Variants in TNR observed in about 807,000 individuals in gnomAD.
TNR encodes the protein tenascin R.
In TNR, 45 loss-of-function variants were observed where a neutral mutation model predicts 150.4. The observed-to-expected ratio is 0.30, with a 90% CI of 0.24 to 0.38. The LOEUF (loss-of-function observed/expected upper bound fraction) is 0.38, where lower values mean the gene tolerates loss of function less well. Ranked by LOEUF, TNR falls within the 10% of genes least tolerant of loss-of-function variation. The pLI is 1.00. For missense variants in TNR, 1,544 were observed against 1,759.1 expected (o/e 0.88, Z 2.19); for synonymous variants, 687 against 678.4 (o/e 1.01, Z -0.20).
intron 2 of TNR, among the ~76,000 whole-genome samples, chr1:175,437,617 T>C (rs1353188545): frequency 6.6e-6 from 1 of 151,686 alleles, no homozygotes; most frequent in Non-Finnish European, 1.5e-5. Context: ...TCAACAAAAT[T>C]GATAGACCGC....
In TNR at chr1:175,320,859, C is replaced by T. The variant is rs1464087851; in HGVS notation, c.*2498G>A. The T allele has an allele frequency of 1.3e-5, 2 of 149,434 alleles. No homozygotes were observed. The highest frequency in any genetic ancestry group is 2.0e-4 in the East Asian group (1 of 4,944). The allele number at this position is 149,434 out of a possible 1,614,324, so 9.3% of individuals were successfully genotyped here. ...AGGGAGTCTAGTGAATTTTCATTACCTAATTGTGCTGTCCCACCATGCCAA... is the reference window on the plus strand; with the variant it reads ...AGGGAGTCTAGTGAATTTTCATTACTTAATTGTGCTGTCCCACCATGCCAA... On this transcript the variant is annotated 3_prime_UTR_variant, in exon 23 of 23. Coordinates refer to ENST00000367674, the MANE Select transcript of TNR (RefSeq NM_003285.3).
chr1:175,451,126 C>A (rs971954084), intron 2 of TNR, among the ~76,000 whole-genome samples: 8 of 151,978 alleles, frequency 5.3e-5, no homozygotes, highest in African/African-American at 1.9e-4. Context: ...GCCTGATAAT[C>A]TGGCCCAATT....
intron 1 of TNR, among the ~76,000 whole-genome samples, chr1:175,658,207 C>T (rs1408681769): frequency 6.6e-6 from 1 of 152,136 alleles, no homozygotes; most frequent in African/African-American, 2.4e-5. Flanking sequence ...GTGTGGAACC[C>T]AGGCTCTCAG....
intron 1 of TNR, among the ~76,000 whole-genome samples, chr1:175,699,474 G>A (rs11805782): frequency 6.6e-6 from 1 of 152,138 alleles, no homozygotes; most frequent in Non-Finnish European, 1.5e-5. Context: ...CTTTAACTGA[G>A]GTTGGAGATT....
chr1:175,415,196 C>T (rs1335687950), intron 2 of TNR, among the ~76,000 whole-genome samples: 2 of 151,014 alleles, frequency 1.3e-5, no homozygotes, highest in African/African-American at 4.9e-5. Flanking sequence ...TCCTCCCTGC[C>T]GTTGGGATGC....
intron 1 of TNR, among the ~76,000 whole-genome samples, chr1:175,534,075 T>C (rs539205718): frequency 7.2e-5 from 11 of 152,192 alleles, no homozygotes; most frequent in Non-Finnish European, 1.6e-4. Flanking sequence ...CCTCAGTCTT[T>C]TAGAAGTTGC....
intron 2 of TNR, among the ~76,000 whole-genome samples, chr1:175,465,356 G>A (rs753816158): frequency 2.6e-5 from 4 of 152,194 alleles, no homozygotes; most frequent in East Asian, 3.8e-4. Context: ...ATAAGTGCTC[G>A]ATAAATGCCA....
At chr1:175,656,247 A>G (rs1665173819) in intron 1 of TNR, among the ~76,000 whole-genome samples, 2 of 150,300 alleles carry the variant, frequency 1.3e-5, no homozygotes, top group Admixed American at 6.6e-5. Context: ...GCCAATCTCT[A>G]TGCCAGCCCT....
At chr1:175,615,061 A>T (rs1318644828) in intron 1 of TNR, among the ~76,000 whole-genome samples, 1 of 152,204 alleles carries the variant, frequency 6.6e-6, no homozygotes, top group Non-Finnish European at 1.5e-5. Context: ...TGAGGGAGGA[A>T]GGAAGGAAGG....
intron 21 of TNR, among the ~76,000 whole-genome samples, chr1:175,325,100 C>T (rs1649296175): frequency 6.6e-6 from 1 of 152,170 alleles, no homozygotes; most frequent in African/African-American, 2.4e-5. Context: ...GACATCTGGG[C>T]TGTATCTTGG....
chr1:175,344,421 C>T (rs1453383205), intron 18 of TNR, among the ~76,000 whole-genome samples: 2 of 152,132 alleles, frequency 1.3e-5, no homozygotes. Flanking sequence ...TCCTTTTGAT[C>T]CAGCTTTGGG....
In TNR at chr1:175,494,477, G is replaced by A. The variant is rs575059348; in HGVS notation, c.-64+33792C>T. 2.6e-5 allele frequency among the ~76,000 whole-genome samples: 4 copies of A among 152,266 alleles called. No individual in the cohort carries two copies. The East Asian group carries it at 5.8e-4, about 22-fold the overall frequency. On this transcript the variant is annotated intron_variant, in intron 2 of 22. Transcript: ENST00000367674. Reference sequence around the variant, plus strand: ...TGCATTTGGTTCAAGAGTGATACACGGTGGAGCTTTCTGGCCAGAGAAACT... The same window carrying A: ...TGCATTTGGTTCAAGAGTGATACACAGTGGAGCTTTCTGGCCAGAGAAACT...
At chr1:175,729,228 C>G (rs1259489483) in intron 1 of TNR, among the ~76,000 whole-genome samples, 2 of 152,166 alleles carry the variant, frequency 1.3e-5, no homozygotes, top group Non-Finnish European at 2.9e-5. Flanking sequence ...TAAATGCCCC[C>G]ATTTGAATTG....
At chr1:175,734,246 A>C (rs568729013) in intron 1 of TNR, among the ~76,000 whole-genome samples, 1 of 152,256 alleles carries the variant, frequency 6.6e-6, no homozygotes, top group South Asian at 2.1e-4. Flanking sequence ...ATTCCCAAAA[A>C]ATGAGTTCTC....
intron 1 of TNR, among the ~76,000 whole-genome samples, chr1:175,728,898 G>A (rs1269051141): frequency 6.6e-6 from 1 of 152,198 alleles, no homozygotes; most frequent in East Asian, 1.9e-4. Context: ...AACAGAAGAG[G>A]TAAGAGAGAA....
chr1:175,657,853 GTATATATATATATA>G (rs59315046), intron 1 of TNR, among the ~76,000 whole-genome samples: 1,135 of 70,488 alleles, frequency 0.016, 97 homozygotes, highest in African/African-American at 0.063. Flanking sequence ...CATGGAACAT[GTATATATATATATA>G]TATATATATA....
intron 1 of TNR, among the ~76,000 whole-genome samples, chr1:175,706,346 A>T (rs1172355725): frequency 6.6e-6 from 1 of 152,148 alleles, no homozygotes; most frequent in Non-Finnish European, 1.5e-5. Flanking sequence ...ATCAAACAGC[A>T]TCATTACCCC....
At chr1:175,488,597 G>C (rs1658111968) in intron 2 of TNR, among the ~76,000 whole-genome samples, 1 of 152,212 alleles carries the variant, frequency 6.6e-6, no homozygotes, top group South Asian at 2.1e-4. Context: ...TTTGCTATGG[G>C]TCCAGCTTTA....
intron 2 of TNR, among the ~76,000 whole-genome samples, chr1:175,464,283 T>C (rs1656937586): frequency 6.6e-6 from 1 of 152,204 alleles, no homozygotes. Context: ...GGGTTAACCT[T>C]TGTCCTAGGA....
Sources: allele counts gnomAD v4.1 joint callset (sites outside exome capture counted in the v4.1 genomes callset), GRCh38; gene constraint gnomAD v4.1.1; transcripts MANE v1.5; gene names NCBI Gene and HGNC (gene_info 2026-07-23, HGNC 2026-07-21).